Variants in NEB observed in about 807,000 individuals in gnomAD.
NEB encodes the protein nebulin.
Under a neutral mutation model 952.2 loss-of-function variants are expected in NEB, and 512 were observed. The ratio of observed to expected loss-of-function variants is 0.54; its 90% CI spans 0.50 to 0.58. NEB has a LOEUF of 0.58. NEB is among the 20% of genes least tolerant of loss of function. The pLI is 0.00. For synonymous variants in NEB, 2,900 were observed against 3,149.8 expected (o/e 0.92, Z 2.66); for missense variants, 8,428 against 9,231.1 (o/e 0.91, Z 3.56).
chr2:151,507,988 A>G lies in NEB; in HGVS notation c.23451+17T>C. 6.3e-7 allele frequency: 1 copy of G among 1,576,948 alleles called. No individual in the cohort carries two copies. Among genetic ancestry groups the G allele is most frequent in the Non-Finnish European group, 8.7e-7 (1 of 1,154,468 alleles). ...TAGGTGCCTGTGGGCTGTGCCTTAC[A>G]TTTAATAAAAACTTACAAGGCTGAA... is the stretch of plus-strand genomic sequence containing the variant. On this transcript the variant is annotated intron_variant, in intron 162 of 181. Transcript: ENST00000397345.
chr2:151,499,408 G>A lies in NEB; in HGVS notation c.24022-18C>T. 1 of 1,439,744 alleles carries A rather than the reference G, an allele frequency of 6.9e-7. No homozygotes were observed. The highest frequency in any genetic ancestry group is 9.5e-7 in the Non-Finnish European group (1 of 1,048,576). 89.2% of individuals were successfully genotyped at this position (1,439,744 alleles called of 1,614,324 possible). On this transcript the variant is annotated intron_variant, in intron 168 of 181. Transcript: ENST00000397345. ...TACAACACCTGTATGACACAAGAAA[G>A]CATCCAGAAAAAACAAGAGCAGTCA...
rs754636819 is a variant in NEB at position 151,655,806 on chromosome 2, G to A, written c.6702+11C>T. ...CGTGGGAGCTGTGTGGACGGCCACT[G>A]TTCTCTGTACCTTGTTCATGGTATG... On this transcript the variant is annotated intron_variant, in intron 50 of 181. Transcript: ENST00000397345. 10 of 1,613,058 alleles carry A rather than the reference G, an allele frequency of 6.2e-6. No individual in the cohort carries two copies. In the South Asian group the frequency reaches 8.8e-5, roughly 14 times the overall value.
intron 28 of NEB, 115 bp downstream of exon 28, chr2:151,684,663 C>A (rs1222528123): frequency 1.2e-5 from 12 of 988,266 alleles, no homozygotes; most frequent in African/African-American, 1.7e-5. Context: ...CGTTTGCTTA[C>A]ATACATAGGA....
Position 151,565,073 on chromosome 2 carries a change from A to T in NEB, c.18442T>A (p.Ser6148Thr). The change falls in exon 117 of 182, where the codon TCC becomes ACC. Residue 6148 changes from serine (S) to threonine (T), a missense_variant. Ser to Thr is a moderately conservative substitution (Grantham distance 58, BLOSUM62 1). Around this residue, in one of 11 missense-constraint regions of NEB, gnomAD observed 3,374 missense variants for 3,651.5 expected, o/e 0.92. Transcript: ENST00000397345. Reference protein sequence around the residue: ...FSPDTPHISHSKDMGKLYSTI... With the variant: ...FSPDTPHISHTKDMGKLYSTI... Reference sequence around the variant, plus strand: ...CTGTAGAGTTTTCCCATGTCTTTGGAGTGGGAGATATGTGGTGTATCTGGT... The same window carrying T: ...CTGTAGAGTTTTCCCATGTCTTTGGTGTGGGAGATATGTGGTGTATCTGGT... The T allele has an allele frequency of 6.3e-7, 1 of 1,593,100 alleles. No homozygotes were observed. Among genetic ancestry groups the T allele is most frequent in the Non-Finnish European group, 8.6e-7 (1 of 1,163,028 alleles).
Position 151,672,658 on chromosome 2 carries a change from T to A in NEB, c.4010A>T (p.Glu1337Val). The A allele has an allele frequency of 6.2e-7, 1 of 1,613,588 alleles. No homozygotes were observed. The highest frequency in any genetic ancestry group is 8.5e-7 in the Non-Finnish European group (1 of 1,179,678). Residue 1337 changes from glutamate to valine, a missense_variant, in exon 37 of 182, where the codon GAG becomes GTG. By Grantham distance (121) the Glu-to-Val change is moderately radical (BLOSUM62 -2). Transcript: ENST00000397345. ...ASDYKYKEAY[E>V]KSKGKHVGFR... ...ACCCACATGCTTTCCCTTTGACTTC[T>A]CATAAGCTTCCTTGTATTTATACTG...
In NEB at chr2:151,568,260, T is replaced by C. The variant is rs908503821; in HGVS notation, c.17736+56A>G. ...GTTGTGTGCATAATTATCCTACAGT[T>C]CCATTAAGGCCCTCCACTCGTACAC... On this transcript the variant is annotated intron_variant, in intron 112 of 181. Coordinates refer to ENST00000397345, the MANE Select transcript of NEB (RefSeq NM_001164508.2). 9.2e-5 allele frequency: 147 copies of C among 1,593,160 alleles called. 1 individual carries two copies. The Middle Eastern group carries it at 2.2e-3, about 24-fold the overall frequency.
At chr2:151,642,705 T>G (rs777909536) in intron 59 of NEB, 24 bp from the exon 60 acceptor site, 2 of 1,610,766 alleles carry the variant, frequency 1.2e-6, no homozygotes, top group East Asian at 2.2e-5. Flanking sequence ...TAATAGTAAG[T>G]TGGATTTATA....
chr2:151,717,709 C>A (rs1200020975), intron 9 of NEB, among the ~76,000 whole-genome samples, 189 bp from the exon 10 acceptor site: 2 of 152,216 alleles, frequency 1.3e-5, no homozygotes, highest in Non-Finnish European at 2.9e-5. Flanking sequence ...GGCCCTAGAT[C>A]TGCTTTCTTC....
chr2:151,570,512 C>G lies in NEB; in HGVS notation c.17103G>C (p.Arg5701Ser), dbSNP rs1414276838. 6.2e-7 allele frequency: 1 copy of G among 1,611,418 alleles called. No homozygotes were observed. Among genetic ancestry groups the G allele is most frequent in the Non-Finnish European group, 8.5e-7 (1 of 1,178,966 alleles). The change falls in exon 108 of 182, where the codon AGG (arginine) becomes AGC (serine). Residue 5701 changes from arginine (R) to serine (S), a missense_variant. Physicochemically the swap from Arg to Ser is moderately radical, Grantham distance 110. Coordinates refer to ENST00000397345, the MANE Select transcript of NEB (RefSeq NM_001164508.2). ...AIPIQAAKAS[R>S]EIASDYKYKL... The stretch of plus-strand genomic sequence containing the variant: ...GGCCACTCACGTCACTGGCAATCTC[C>G]CTGGAGGCCTTGGCAGCCTGGATGG...
chr2:151,662,024 ACCT>A, intron 46 of NEB, 108 bp downstream of exon 46: 1 of 826,900 alleles, frequency 1.2e-6, no homozygotes, highest in Admixed American at 3.1e-5. Flanking sequence ...AGGTAAAATA[ACCT>A]CAAGTGTGAT....
Position 151,612,388 on chromosome 2 carries a change from G to A in NEB, c.11603C>T (p.Ala3868Val). Residue 3868 changes from alanine to valine, a missense_variant and splice_region_variant, in exon 78 of 182, where the codon GCT (alanine) becomes GTT (valine). Transcript: ENST00000397345. ...ARKAYDLQSD[A>V]IYKSDLEWLR... Reference sequence around the variant, plus strand: ...CCACTCAAGATCAGATTTGTAAATAGCCTGAAAATGAAATAATGTCAAATA... The same window carrying A: ...CCACTCAAGATCAGATTTGTAAATAACCTGAAAATGAAATAATGTCAAATA... 1 of 1,612,912 alleles carries A rather than the reference G, an allele frequency of 6.2e-7. No homozygotes were observed. The highest frequency in any genetic ancestry group is 1.1e-5 in the South Asian group (1 of 91,008).
At chr2:151,492,006 T>G in intron 178 of NEB, 92 bp downstream of exon 178, 1 of 1,344,942 alleles carries the variant, frequency 7.4e-7, no homozygotes, top group Non-Finnish European at 1.0e-6. Flanking sequence ...ATTGAAGTCC[T>G]TTATGTTTTG....
chr2:151,507,960 C>T (rs1159063491), intron 162 of NEB, 45 bp downstream of exon 162: 1 of 1,409,884 alleles, frequency 7.1e-7, no homozygotes, highest in East Asian at 2.4e-5. Flanking sequence ...TCCTCAGCAC[C>T]CCTAGGTGCC....
intron 74 of NEB, 101 bp downstream of exon 74, chr2:151,618,171 TATC>T: frequency 1.0e-6 from 1 of 1,000,706 alleles, no homozygotes; most frequent in Non-Finnish European, 1.6e-6. Flanking sequence ...TTTAAGAAGG[TATC>T]ATAATGCTTA....
rs777244382 is a variant in NEB, at chr2:151,610,822, G to A, written c.11850C>T (p.His3950=). The change falls in exon 79 of 182, where the codon CAC becomes CAT. Residue 3950 remains histidine (H), a synonymous_variant. Transcript: ENST00000397345. ...EAWDADKTSI[H]VMPDTPDILL... ...GGATATCTGGGGTGTCTGGCATCAC[G>A]TGGATGGAGGTTTTGTCAGCATCCC... is the stretch of plus-strand genomic sequence containing the variant. 82 of 1,604,626 alleles carry A rather than the reference G, an allele frequency of 5.1e-5. No homozygotes were observed. The highest frequency in any genetic ancestry group is 1.1e-4 in the South Asian group (10 of 89,208).
At chr2:151,718,182 T>C (rs1393156683) in intron 9 of NEB, among the ~76,000 whole-genome samples, 4 of 152,124 alleles carry the variant, frequency 2.6e-5, no homozygotes, top group African/African-American at 9.7e-5. Context: ...CCTAGGATGC[T>C]GAATGCCACA....
intron 72 of NEB, 38 bp downstream of exon 72, chr2:151,620,881 A>G: frequency 6.7e-7 from 1 of 1,489,038 alleles, no homozygotes; most frequent in Admixed American, 1.8e-5. Flanking sequence ...TGTGGCTGGC[A>G]TGATGGTAAG....
At chr2:151,525,319 C>G (rs754215694) in intron 150 of NEB, 46 bp from the exon 151 acceptor site, 1 of 1,390,100 alleles carries the variant, frequency 7.2e-7, no homozygotes, top group South Asian at 1.2e-5. Context: ...AAGCTGGGAA[C>G]AGAGTTGGTT....
intron 75 of NEB, among the ~76,000 whole-genome samples, chr2:151,616,416 T>C (rs1207347688): frequency 6.6e-6 from 1 of 151,920 alleles, no homozygotes; most frequent in Non-Finnish European, 1.5e-5. Flanking sequence ...TGGCCGGGCG[T>C]GGTGGCTCAC....
Sources: allele counts gnomAD v4.1 joint callset (sites outside exome capture counted in the v4.1 genomes callset), GRCh38; gene constraint gnomAD v4.1.1; regional missense constraint gnomAD v4.1.1; transcripts MANE v1.5; gene names NCBI Gene and HGNC (gene_info 2026-07-23, HGNC 2026-07-21).